SHISA6: variants seen among roughly 807,000 people sequenced by gnomAD.
SHISA6 encodes shisa family member 6.
SHISA6 carries 22 observed loss-of-function variants against 47.9 expected under a neutral mutation model. The observed-to-expected ratio is 0.46, with a 90% CI of 0.33 to 0.66. The LOEUF (loss-of-function observed/expected upper bound fraction) is 0.66, where lower values mean the gene tolerates loss of function less well. Ranked by LOEUF, SHISA6 falls within the 30% of genes least tolerant of loss-of-function variation. The probability of loss-of-function intolerance (pLI) is 0.02; values close to 1 mark genes in which losing one functional copy is unlikely to be tolerated. For missense variants in SHISA6, 680 were observed against 764.6 expected (o/e 0.89, Z 1.30); for synonymous variants, 388 against 337.8 (o/e 1.15, Z -1.63).
At chr17:11,455,085 T>C (rs2908944) in intron 3 of SHISA6, among the ~76,000 whole-genome samples, 77,792 of 151,692 alleles carry the variant, frequency 0.51, 22,201 homozygotes, top group African/African-American at 0.78. Flanking sequence ...AGGAGAATGG[T>C]GTGAACCCAG....
intron 2 of SHISA6, among the ~76,000 whole-genome samples, chr17:11,277,280 T>TCTCTCTCTCTCTCTCTCTCACACA (rs1386997909): frequency 3.7e-5 from 2 of 53,926 alleles, no homozygotes; most frequent in African/African-American, 1.4e-4. Context: ...TCTCTCTCTC[T>TCTCTCTCTCTCTCTCTCTCACACA]CACACACACA....
chr17:11,394,605 C>T (rs1486041880), intron 3 of SHISA6, among the ~76,000 whole-genome samples: 3 of 152,194 alleles, frequency 2.0e-5, no homozygotes, highest in Non-Finnish European at 4.4e-5. Flanking sequence ...GCACCTCCCC[C>T]ATGACTGCTT....
At chr17:11,453,905 C>T (rs187491226) in intron 3 of SHISA6, among the ~76,000 whole-genome samples, 8 of 152,232 alleles carry the variant, frequency 5.3e-5, no homozygotes, top group Non-Finnish European at 7.4e-5. Flanking sequence ...AGGGTTAGGA[C>T]GTACTACACT....
chr17:11,425,170 A>C (rs1397754132), intron 3 of SHISA6, among the ~76,000 whole-genome samples: 1 of 152,030 alleles, frequency 6.6e-6, no homozygotes, highest in Non-Finnish European at 1.5e-5. Flanking sequence ...TAGGAGAGAG[A>C]AGAAACCAAG....
At chr17:11,467,107 T>C (rs1449580581) in intron 3 of SHISA6, among the ~76,000 whole-genome samples, 1 of 152,184 alleles carries the variant, frequency 6.6e-6, no homozygotes, top group Non-Finnish European at 1.5e-5. Context: ...ATGGGGAACG[T>C]TATCAAGATG....
At chr17:11,477,654 G>C (rs1295554498) in intron 3 of SHISA6, among the ~76,000 whole-genome samples, 3 of 141,938 alleles carry the variant, frequency 2.1e-5, no homozygotes, top group African/African-American at 8.0e-5. Context: ...CCACCTATGA[G>C]TGAGAATATG....
intron 2 of SHISA6, among the ~76,000 whole-genome samples, chr17:11,372,558 G>GCTTTT (rs1372887303): frequency 6.6e-6 from 1 of 151,152 alleles, no homozygotes; most frequent in Non-Finnish European, 1.5e-5. Context: ...ACTACCTATT[G>GCTTTT]CTTTTCTTTT....
chr17:11,375,157 A>T (rs1050501646), intron 2 of SHISA6, among the ~76,000 whole-genome samples: 1 of 152,154 alleles, frequency 6.6e-6, no homozygotes, highest in Non-Finnish European at 1.5e-5. Flanking sequence ...GTACTTGATT[A>T]TTTCTTTTGA....
intron 2 of SHISA6, among the ~76,000 whole-genome samples, chr17:11,325,392 C>T (rs1157561846): frequency 1.3e-5 from 2 of 152,214 alleles, no homozygotes; most frequent in Admixed American, 1.3e-4. Context: ...TGCGGCTACC[C>T]GAGGGCATTG....
chr17:11,273,202 G>C (rs1371393244), intron 2 of SHISA6, among the ~76,000 whole-genome samples: 1 of 152,218 alleles, frequency 6.6e-6, no homozygotes, highest in African/African-American at 2.4e-5. Context: ...ACAGCCAGGA[G>C]GGGGTGCTGA....
rs532155939 is a variant in SHISA6, at chr17:11,401,766, G to A, written c.895+22257G>A. On this transcript the variant is annotated intron_variant, in intron 3 of 5. Coordinates refer to ENST00000441885, the MANE Select transcript of SHISA6 (RefSeq NM_207386.4). ...TGGTACCTCAGAAATTTATACTAAC[G>A]GAGGTTCTGCCATCCTGTAGCTGCA... Among the ~76,000 whole-genome samples the A allele has an allele frequency of 2.6e-5, 4 of 152,168 alleles. No homozygotes were observed. The East Asian group carries it at 5.8e-4, about 22-fold the overall frequency.
At chr17:11,486,709 G>A (rs1916357295) in intron 3 of SHISA6, among the ~76,000 whole-genome samples, 1 of 152,102 alleles carries the variant, frequency 6.6e-6, no homozygotes, top group Admixed American at 6.5e-5. Flanking sequence ...CATCTTTCCT[G>A]CACCCCAGCA....
At chr17:11,387,479 A>G (rs1270060821) in intron 3 of SHISA6, among the ~76,000 whole-genome samples, 3 of 152,164 alleles carry the variant, frequency 2.0e-5, no homozygotes, top group Non-Finnish European at 4.4e-5. Flanking sequence ...GAGGGATTCT[A>G]GACGCTAGGC....
At chr17:11,370,811 G>T (rs1042069731) in intron 2 of SHISA6, among the ~76,000 whole-genome samples, 1 of 152,132 alleles carries the variant, frequency 6.6e-6, no homozygotes, top group African/African-American at 2.4e-5. Flanking sequence ...TGAGAGTGTC[G>T]GGTAAGGTGG....
chr17:11,464,223 A>G (rs1483843594), intron 3 of SHISA6, among the ~76,000 whole-genome samples: 1 of 152,144 alleles, frequency 6.6e-6, no homozygotes, highest in Non-Finnish European at 1.5e-5. Context: ...AGCCATGGAA[A>G]AGATTTTGCC....
chr17:11,372,991 G>A (rs1286724763), intron 2 of SHISA6, among the ~76,000 whole-genome samples: 1 of 151,000 alleles, frequency 6.6e-6, no homozygotes, highest in African/African-American at 2.4e-5. Flanking sequence ...GATTTTCTGG[G>A]GCAACTCCAG....
rs548742214 is a variant in SHISA6 at position 11,562,062 on chromosome 17, T to A, written c.*3758T>A. The A allele has an allele frequency of 6.6e-6, 1 of 152,070 alleles. No individual in the cohort carries two copies. The highest frequency in any genetic ancestry group is 2.0e-4 in the East Asian group (1 of 5,128). The allele number at this position is 152,070 out of a possible 1,614,324, so 9.4% of individuals were successfully genotyped here. A position where few individuals can be genotyped will look rare whatever the true frequency, so the allele number is the denominator to read the frequency against. ...AGAAGCTCCTGCTCTGGCCAAAGACTCCTATCCTTGAGGGCTCTCAGCCAC... is the reference window on the plus strand; with the variant it reads ...AGAAGCTCCTGCTCTGGCCAAAGACACCTATCCTTGAGGGCTCTCAGCCAC... On this transcript the variant is annotated 3_prime_UTR_variant, in exon 6 of 6. Transcript: ENST00000441885.
chr17:11,515,527 AAAG>A (rs1211682446), intron 3 of SHISA6, among the ~76,000 whole-genome samples: 1 of 152,088 alleles, frequency 6.6e-6, no homozygotes, highest in Admixed American at 6.5e-5. Context: ...GGGAGAAAAG[AAAG>A]AAGGGTGGGG....
intron 1 of SHISA6, among the ~76,000 whole-genome samples, chr17:11,252,778 A>G (rs1263502325): frequency 1.3e-5 from 2 of 152,202 alleles, no homozygotes; most frequent in Non-Finnish European, 2.9e-5. Flanking sequence ...CTGCAGCGAC[A>G]GGGCATGTGG....
Sources: allele counts gnomAD v4.1 joint callset (sites outside exome capture counted in the v4.1 genomes callset), GRCh38; gene constraint gnomAD v4.1.1; transcripts MANE v1.5; gene names NCBI Gene and HGNC (gene_info 2026-07-23, HGNC 2026-07-21).